The following SPATA9 variants were observed in gnomAD, a reference collection of about 807,000 sequenced individuals.
SPATA9 encodes the protein spermatogenesis associated 9.
A neutral mutation model predicts 25.5 loss-of-function variants in SPATA9; 27 were observed. The ratio of observed to expected loss-of-function variants is 1.06; its 90% CI spans 0.78 to 1.46. The LOEUF (loss-of-function observed/expected upper bound fraction) is 1.46, where lower values mean the gene tolerates loss of function less well. Among genes scored for constraint, SPATA9 ranks in the 40% most tolerant of loss-of-function variants. The pLI, the probability that SPATA9 is intolerant of heterozygous loss-of-function variation, is 0.00. For missense variants in SPATA9, 282 were observed against 297.5 expected (o/e 0.95, Z 0.38); for synonymous variants, 102 against 105.7 (o/e 0.97, Z 0.21).
chr5:95,655,390 T>C (rs1750684311), downstream of SPATA9: 2 of 152,246 alleles, frequency 1.3e-5, no homozygotes, highest in South Asian at 4.1e-4. Context: ...TAATGAGAGC[T>C]TGAAGACCTT....
At chr5:95,661,151 G>C (rs1386919571) in intron 4 of SPATA9, among the ~76,000 whole-genome samples, 2 of 151,940 alleles carry the variant, frequency 1.3e-5, no homozygotes, top group Non-Finnish European at 2.9e-5. Context: ...TTTTCTGCTT[G>C]TATTTGACAC....
At chr5:95,731,775 C>A in the SPATA9 span, 1 of 1,603,674 alleles carries the variant, frequency 6.2e-7, no homozygotes, top group Admixed American at 1.7e-5. Flanking sequence ...TCGCCGCGCG[C>A]TGTCCCCCGC....
At position 95,682,514 on chromosome 5, in the gene SPATA9, T is replaced by C; in HGVS notation, c.150+14A>G. On this transcript the variant is annotated intron_variant, in intron 2 of 4. Transcript: ENST00000274432. ...TTTTTTCTATTCCTTTTAAAGGTTA[T>C]AAAATCACATTACCTGATTAGACTG... 6.5e-7 allele frequency: 1 copy of C among 1,545,424 alleles called. No individual in the cohort carries two copies. Among genetic ancestry groups the C allele is most frequent in the Non-Finnish European group, 8.9e-7 (1 of 1,125,310 alleles).
downstream of SPATA9, among the ~76,000 whole-genome samples, chr5:95,654,681 C>T (rs1357646837): frequency 2.0e-5 from 3 of 152,054 alleles, no homozygotes; most frequent in African/African-American, 4.8e-5. Context: ...AATTATGATA[C>T]AGCCATGCTG....
chr5:95,674,888 G>A, intron 3 of SPATA9: 2 of 397,154 alleles, frequency 5.0e-6, no homozygotes, highest in Non-Finnish European at 9.8e-6. Context: ...TTTGTATAAT[G>A]CCCAAATTGA....
intron 2 of SPATA9, among the ~76,000 whole-genome samples, chr5:95,675,895 C>T (rs1266217938): frequency 1.4e-5 from 2 of 146,850 alleles, no homozygotes; most frequent in African/African-American, 5.1e-5. Context: ...GATCTCAGCT[C>T]ACTGCAACCT....
intron 3 of SPATA9, among the ~76,000 whole-genome samples, chr5:95,665,491 T>C (rs1308267658): frequency 6.6e-6 from 1 of 152,232 alleles, no homozygotes; most frequent in Non-Finnish European, 1.5e-5. Context: ...TGTCTTTCTG[T>C]GCCTGGCTTA....
chr5:95,682,797 T>A lies in SPATA9; in HGVS notation c.58A>T (p.Arg20Ter), dbSNP rs371471252. 2.6e-6 allele frequency: 4 copies of A among 1,544,806 alleles called. No homozygotes were observed. The African/African-American group carries it at 5.5e-5, about 21-fold the overall frequency. Residue 20 changes from arginine to a stop codon, truncating the protein, a stop_gained, in exon 1 of 5, where the codon AGA (arginine) becomes TGA (stop). Transcript: ENST00000274432. LOFTEE classifies it high-confidence loss of function. The part of the protein sequence containing the change: ...CGQVLKNFSG[R>*]IEGIQKAIMD... ...TTTACAACAAGATTGTGTATACTTC[T>A]TCCAGAAAAGTTCTTCAACACCTGC...
At chr5:95,707,566 G>A in the SPATA9 span, among the ~76,000 whole-genome samples, 3 of 152,158 alleles carry the variant, frequency 2.0e-5, no homozygotes, top group East Asian at 1.9e-4. Context: ...AACGTAAACC[G>A]TTCCAGGTGC....
rs1233897135 is a variant in SPATA9 at position 95,658,626 on chromosome 5, G to T, written c.762C>A (p.Ile254=). Residue 254 remains isoleucine (I), a synonymous_variant, in exon 5 of 5, where the codon ATC becomes ATA. Transcript: ENST00000274432. ...FDQSAEMNEQ[I] ...TTCTGTTCAGTGATACCTGTATTCA[G>T]ATTTGCTCATTCATTTCAGCTGATT... 6.2e-7 allele frequency: 1 copy of T among 1,612,038 alleles called. No individual in the cohort carries two copies. Among genetic ancestry groups the T allele is most frequent in the East Asian group, 2.2e-5 (1 of 44,836 alleles).
Position 95,675,604 on chromosome 5 carries a change from C to T in SPATA9, c.186G>A (p.Arg62=), listed in dbSNP as rs1389793440. The change falls in exon 3 of 5, where the codon AGG becomes AGA. Residue 62 remains arginine (R), a synonymous_variant. Transcript: ENST00000274432. ...REPAQKTSKI[R]MAIALAKINR... ...TAATCTTAGCTAAAGCAATAGCCAT[C>T]CTGATTTTGGATGTTTTCTGCGCAG... The T allele has an allele frequency of 2.5e-6, 4 of 1,613,930 alleles. No homozygotes were observed. The highest frequency in any genetic ancestry group is 3.3e-5 in the Admixed American group (2 of 59,992).
upstream of SPATA9, among the ~76,000 whole-genome samples, chr5:95,683,636 C>T (rs1005900463): frequency 3.3e-5 from 5 of 152,124 alleles, no homozygotes; most frequent in Admixed American, 2.6e-4. Flanking sequence ...CTCCCGGGTT[C>T]ACACCATTCT....
intron 1 of SPATA9, among the ~76,000 whole-genome samples, chr5:95,694,643 T>A (rs1288392670): frequency 6.6e-6 from 1 of 152,202 alleles, no homozygotes; most frequent in Non-Finnish European, 1.5e-5. Flanking sequence ...GAAACCAAAT[T>A]TATTTTCAGC....
chr5:95,674,531 T>A (rs1752734337), intron 3 of SPATA9, among the ~76,000 whole-genome samples: 1 of 152,182 alleles, frequency 6.6e-6, no homozygotes, highest in Non-Finnish European at 1.5e-5. Flanking sequence ...TTTTTTCTGC[T>A]GGAATTGAAC....
rs1213007469 is a variant in SPATA9 at position 95,663,982 on chromosome 5, A to G, written c.445T>C (p.Tyr149His). 3 of 1,594,302 alleles carry G rather than the reference A, an allele frequency of 1.9e-6. No homozygotes were observed. Among genetic ancestry groups the G allele is most frequent in the Non-Finnish European group, 2.6e-6 (3 of 1,168,260 alleles). ...TAAATTAGTGCTGCATATGAAGCAT[A>G]TATTATGCTAGTTAAAGCAGTCTTT... ...PAKTALTSII[Y>H]ASYAALIYLA... is the part of the protein sequence containing the mutation. Residue 149 changes from tyrosine (Y) to histidine (H), a missense_variant, in exon 4 of 5, where the codon TAT (tyrosine) becomes CAT (histidine). Transcript: ENST00000274432.
At chr5:95,657,713 C>T (rs1750846296), downstream of SPATA9, 1 of 152,122 alleles carries the variant, frequency 6.6e-6, no homozygotes, top group Non-Finnish European at 1.5e-5. Flanking sequence ...GCATGAGTAG[C>T]ACTTGGTCCT....
chr5:95,659,927 C>T (rs1751112393), intron 4 of SPATA9, among the ~76,000 whole-genome samples: 2 of 152,142 alleles, frequency 1.3e-5, no homozygotes, highest in Admixed American at 1.3e-4. Context: ...ACTGTCTTTT[C>T]CCTCTACCTA....
chr5:95,717,218 C>A, the SPATA9 span: 2 of 152,222 alleles, frequency 1.3e-5, no homozygotes, highest in East Asian at 3.8e-4. Flanking sequence ...CCTCCCTCAA[C>A]CAAGAAGGAT....
At chr5:95,722,788 G>A in the SPATA9 span, among the ~76,000 whole-genome samples, 1 of 152,178 alleles carries the variant, frequency 6.6e-6, no homozygotes, top group African/African-American at 2.4e-5. Flanking sequence ...CAGCCTAAAA[G>A]AGTCTTATCG....
Sources: allele counts gnomAD v4.1 joint callset (sites outside exome capture counted in the v4.1 genomes callset), GRCh38; gene constraint gnomAD v4.1.1; transcripts MANE v1.5; gene names NCBI Gene and HGNC (gene_info 2026-07-23, HGNC 2026-07-21).